Variants in EDIL3 observed in about 807,000 individuals in gnomAD.
EDIL3 encodes EGF like and discoidin domains 3, also known as EGF-like repeat and discoidin I-like domain-containing protein 3.
In EDIL3, 37 loss-of-function variants were observed where a neutral mutation model predicts 67.4. The ratio of observed to expected loss-of-function variants is 0.55; its 90% CI spans 0.42 to 0.72. The LOEUF (loss-of-function observed/expected upper bound fraction) is 0.72. Ranked by LOEUF, EDIL3 falls within the 30% of genes least tolerant of loss-of-function variation. The pLI, the probability that EDIL3 is intolerant of heterozygous loss-of-function variation, is 0.00. For synonymous variants in EDIL3, 195 were observed against 196.3 expected, an observed-to-expected ratio of 0.99 and a Z score of 0.05; for missense variants, 527 against 586.3, an observed-to-expected ratio of 0.90 and a Z score of 1.04.
intron 6 of EDIL3, among the ~76,000 whole-genome samples, chr5:84,102,545 A>T (rs1307668665): frequency 6.6e-6 from 1 of 151,930 alleles, no homozygotes; most frequent in Non-Finnish European, 1.5e-5. Context: ...TGGCATTCCT[A>T]TATAGCAACC....
At chr5:84,031,848 G>C (rs1359734873) in intron 9 of EDIL3, among the ~76,000 whole-genome samples, 1 of 152,156 alleles carries the variant, frequency 6.6e-6, no homozygotes, top group East Asian at 1.9e-4. Flanking sequence ...TTAATAACTT[G>C]AAATAATACA....
intron 9 of EDIL3, among the ~76,000 whole-genome samples, chr5:83,979,691 G>A (rs1744936146): frequency 6.6e-6 from 1 of 152,002 alleles, no homozygotes; most frequent in South Asian, 2.1e-4. Context: ...AGCATAGAAA[G>A]GTACCCATGG....
chr5:84,059,701 T>C (rs1383517416), intron 9 of EDIL3, among the ~76,000 whole-genome samples: 2 of 152,188 alleles, frequency 1.3e-5, no homozygotes, highest in Non-Finnish European at 2.9e-5. Context: ...AACCTGTGCA[T>C]ATTTAAACGT....
At chr5:84,100,128 G>A (rs906333460) in intron 6 of EDIL3, among the ~76,000 whole-genome samples, 1 of 152,124 alleles carries the variant, frequency 6.6e-6, no homozygotes, top group South Asian at 2.1e-4. Context: ...GCTGTTGGTG[G>A]GAGTGTAAAT....
chr5:84,088,977 C>T (rs1267356507), intron 6 of EDIL3, among the ~76,000 whole-genome samples: 1 of 152,242 alleles, frequency 6.6e-6, no homozygotes, highest in Non-Finnish European at 1.5e-5. Context: ...CATTTAGAAC[C>T]TCAAAGTTCA....
At chr5:83,982,744 G>C (rs930526012) in intron 9 of EDIL3, among the ~76,000 whole-genome samples, 6 of 152,178 alleles carry the variant, frequency 3.9e-5, no homozygotes, top group African/African-American at 1.4e-4. Context: ...CTCTGAGTTA[G>C]TTTCTATTAC....
chr5:83,985,687 GA>G (rs1185803160), intron 9 of EDIL3, among the ~76,000 whole-genome samples: 2 of 151,774 alleles, frequency 1.3e-5, no homozygotes, highest in Non-Finnish European at 2.9e-5. Context: ...CTCTCTTGTT[GA>G]TTGTTTTATT....
chr5:84,077,152 C>T lies in EDIL3; in HGVS notation c.652-10546G>A, dbSNP rs538643842. ...CAATGATGACTAGTATAGTTTGATGCTATCGTCATGATTTGTGCCAAGGCA... is the reference window on the plus strand; with the variant it reads ...CAATGATGACTAGTATAGTTTGATGTTATCGTCATGATTTGTGCCAAGGCA... On this transcript the variant is annotated intron_variant, in intron 6 of 10. Transcript: ENST00000296591. 2.0e-5 allele frequency among the ~76,000 whole-genome samples: 3 copies of T among 152,304 alleles called. No homozygotes were observed. In the South Asian group the frequency reaches 6.2e-4, roughly 32 times the overall value.
intron 1 of EDIL3, among the ~76,000 whole-genome samples, chr5:84,357,820 A>G (rs1413590931): frequency 1.4e-5 from 2 of 147,842 alleles, no homozygotes; most frequent in Admixed American, 6.9e-5. Context: ...CCCAGGAGAC[A>G]GAGGTTGCTG....
rs1312557759 is a variant in EDIL3 at position 84,336,158 on chromosome 5, A to G, written c.67+48150T>C. Reference sequence around the variant, plus strand: ...GGGCATATTTGAACTGGCTCTTGATATACAATGAATGGGTAAGAGAACATA... The same window carrying G: ...GGGCATATTTGAACTGGCTCTTGATGTACAATGAATGGGTAAGAGAACATA... On this transcript the variant is annotated intron_variant, in intron 1 of 10. Transcript: ENST00000296591. Among the ~76,000 whole-genome samples, 7 of 152,338 alleles carry G rather than the reference A, an allele frequency of 4.6e-5. No homozygotes were observed. The East Asian group carries it at 1.3e-3, about 29-fold the overall frequency.
chr5:83,983,223 T>C (rs1745001410), intron 9 of EDIL3, among the ~76,000 whole-genome samples: 1 of 152,112 alleles, frequency 6.6e-6, no homozygotes, highest in Non-Finnish European at 1.5e-5. Flanking sequence ...AGTAATCTGT[T>C]TACAAATGCT....
At chr5:84,018,418 G>A (rs1745647558) in intron 9 of EDIL3, among the ~76,000 whole-genome samples, 1 of 152,158 alleles carries the variant, frequency 6.6e-6, no homozygotes, top group African/African-American at 2.4e-5. Flanking sequence ...CAGGGAAGGT[G>A]TTTTGATTCC....
intron 9 of EDIL3, chr5:84,048,105 T>C (rs1323440573): frequency 6.7e-6 from 2 of 299,922 alleles, no homozygotes; most frequent in African/African-American, 4.5e-5. Flanking sequence ...CTCACAATCA[T>C]ATACAAGTTT....
intron 6 of EDIL3, among the ~76,000 whole-genome samples, chr5:84,086,946 A>G (rs1476876926): frequency 3.3e-5 from 5 of 152,094 alleles, no homozygotes; most frequent in Non-Finnish European, 7.4e-5. Context: ...AGAGGGGAGA[A>G]GAGGATGTGT....
chr5:84,145,219 T>C (rs950221862), intron 4 of EDIL3, among the ~76,000 whole-genome samples: 2 of 152,092 alleles, frequency 1.3e-5, no homozygotes, highest in Admixed American at 1.3e-4. Context: ...CTAAAGGAGA[T>C]ATGGAAGATT....
chr5:84,049,221 T>G (rs1233316600), intron 9 of EDIL3, among the ~76,000 whole-genome samples: 1 of 152,202 alleles, frequency 6.6e-6, no homozygotes, highest in Non-Finnish European at 1.5e-5. Context: ...ACCTACAGTT[T>G]GCAATGATTT....
At chr5:84,157,076 TAGC>T (rs1748505399) in intron 4 of EDIL3, among the ~76,000 whole-genome samples, 1 of 152,136 alleles carries the variant, frequency 6.6e-6, no homozygotes, top group Admixed American at 6.5e-5. Flanking sequence ...GAAAAAAACA[TAGC>T]AGATCAATAA....
At chr5:83,962,584 T>A (rs919590274) in intron 10 of EDIL3, among the ~76,000 whole-genome samples, 1 of 151,560 alleles carries the variant, frequency 6.6e-6, no homozygotes, top group Non-Finnish European at 1.5e-5. Context: ...TAGAGGTATG[T>A]ATATATAAAA....
At chr5:84,369,854 T>C (rs757977644) in intron 1 of EDIL3, among the ~76,000 whole-genome samples, 3 of 152,164 alleles carry the variant, frequency 2.0e-5, no homozygotes, top group Admixed American at 6.6e-5. Flanking sequence ...AAGATACTTA[T>C]TTAGCTAAAC....
Sources: gnomAD v4.1 joint callset for allele counts (sites outside exome capture counted in the v4.1 genomes callset) on GRCh38, gnomAD v4.1.1 for gene constraint, MANE v1.5 for transcripts, NCBI Gene and HGNC (gene_info 2026-07-23, HGNC 2026-07-21) for gene names.